Variants in THEM5 observed in about 807,000 individuals in gnomAD.
The protein encoded by THEM5 is acyl-coenzyme A thioesterase THEM5.
A neutral mutation model predicts 24.2 loss-of-function variants in THEM5; 28 were observed. The observed-to-expected ratio is 1.16, with a 90% confidence interval of 0.86 to 1.59. The LOEUF is 1.59. Ranked by LOEUF, THEM5 falls within the 40% of genes most tolerant of loss-of-function variation. The probability of loss-of-function intolerance (pLI) is 0.00; values close to 1 mark genes in which losing one functional copy is unlikely to be tolerated. For synonymous variants in THEM5, 87 were observed against 114.5 expected (o/e 0.76, Z 1.53); for missense variants, 260 against 296.8 (o/e 0.88, Z 0.91).
At position 151,850,285 on chromosome 1, in the gene THEM5, A is replaced by T. The variant is rs1373610652; in HGVS notation, c.464+768T>A. 2.0e-5 allele frequency: 3 copies of T among 152,386 alleles called. No individual in the cohort carries two copies. In the East Asian group the frequency reaches 5.8e-4, roughly 29 times the overall value. The allele number at this position is 152,386 out of a possible 1,614,324, so 9.4% of individuals were successfully genotyped here. ...GTGACTGTCTGGAGCAGGCATCCGGATGGAAGAGAAGGGGGACAACCATGA... is the reference window on the plus strand; with the variant it reads ...GTGACTGTCTGGAGCAGGCATCCGGTTGGAAGAGAAGGGGGACAACCATGA... On this transcript the variant is annotated intron_variant, in intron 3 of 5. Transcript: ENST00000368817.
chr1:151,847,527 G>A (rs1184280914), intron 5 of THEM5, 113 bp from the exon 6 acceptor site: 21 of 1,456,628 alleles, frequency 1.4e-5, no homozygotes, highest in South Asian at 3.5e-5. Context: ...CTGTCCTTTC[G>A]TTACAGGTTG....
chr1:151,849,916 C>G (rs1653062267), intron 3 of THEM5, among the ~76,000 whole-genome samples: 1 of 152,220 alleles, frequency 6.6e-6, no homozygotes, highest in Non-Finnish European at 1.5e-5. Flanking sequence ...TTGGATGGTC[C>G]TCCTCTGCCT....
intron 5 of THEM5, 71 bp downstream of exon 5, chr1:151,847,667 C>G: frequency 6.3e-7 from 1 of 1,574,826 alleles, no homozygotes; most frequent in Non-Finnish European, 8.7e-7. Context: ...GGCATCTTTT[C>G]TTCCTCCTGT....
chr1:151,847,440 G>C, intron 5 of THEM5, 26 bp from the exon 6 acceptor site: 1 of 1,614,062 alleles, frequency 6.2e-7, no homozygotes, highest in South Asian at 1.1e-5. Flanking sequence ...GAGTTGAGCT[G>C]CAAGAGCTGC....
At chr1:151,850,190 G>A (rs1653069264) in intron 3 of THEM5, 1 of 152,266 alleles carries the variant, frequency 6.6e-6, no homozygotes, top group African/African-American at 2.4e-5. Flanking sequence ...CAGGCTTCAG[G>A]ACCCTAAAGC....
Position 151,852,465 on chromosome 1 carries a change from C to A in THEM5, c.124-6G>T, listed in dbSNP as rs773283311. 8 of 1,614,034 alleles carry A rather than the reference C, an allele frequency of 5.0e-6. 1 individual carries two copies. The South Asian group carries it at 8.8e-5, about 18-fold the overall frequency. ...TCTGGCAAGAATCTTGAGAACTGGG[C>A]AGGAAAAATCAGAATGACTAGACAG... On this transcript the variant is annotated splice_region_variant and splice_polypyrimidine_tract_variant and intron_variant, in intron 1 of 5. Coordinates refer to ENST00000368817, the MANE Select transcript of THEM5 (RefSeq NM_182578.4).
At chr1:151,847,460 G>A in intron 5 of THEM5, 46 bp from the exon 6 acceptor site, 1 of 1,611,660 alleles carries the variant, frequency 6.2e-7, no homozygotes, top group Non-Finnish European at 8.5e-7. Flanking sequence ...CACTGAGATG[G>A]CTGGAGCTTG....
chr1:151,848,780 T>G (rs546712373), intron 3 of THEM5, among the ~76,000 whole-genome samples: 1 of 152,292 alleles, frequency 6.6e-6, no homozygotes, highest in East Asian at 1.9e-4. Flanking sequence ...TAAGTAAATG[T>G]GAAACATAAC....
chr1:151,849,930 T>C (rs1653062750), intron 3 of THEM5, among the ~76,000 whole-genome samples: 1 of 152,240 alleles, frequency 6.6e-6, no homozygotes, highest in South Asian at 2.1e-4. Context: ...TCTGCCTCTT[T>C]GGCCTCACTT....
At chr1:151,850,469 C>T (rs1653075202) in intron 3 of THEM5, 1 of 152,714 alleles carries the variant, frequency 6.5e-6, no homozygotes, top group Non-Finnish European at 1.5e-5. Flanking sequence ...CTGGATCTGA[C>T]TTTGATTGCT....
chr1:151,848,072 G>C, intron 4 of THEM5, 110 bp downstream of exon 4: 5 of 1,415,200 alleles, frequency 3.5e-6, no homozygotes, highest in Non-Finnish European at 4.9e-6. Flanking sequence ...GAGTGGGCTG[G>C]GGAAGGAGAG....
Position 151,848,068 on chromosome 1 carries a change from G to A in THEM5, c.575+114C>T, listed in dbSNP as rs1421930534. 37 of 1,415,244 alleles carry A rather than the reference G, an allele frequency of 2.6e-5. No individual in the cohort carries two copies. In the East Asian group the frequency reaches 8.0e-4, roughly 31 times the overall value. 87.7% of individuals were successfully genotyped at this position (1,415,244 alleles called of 1,614,324 possible). A position where few individuals can be genotyped will look rare whatever the true frequency, so the allele number is the denominator to read the frequency against. ...GACTAGAGGAATTGCTTGGGAGTGG[G>A]CTGGGGAAGGAGAGTGGCAGGCAGG... On this transcript the variant is annotated intron_variant, in intron 4 of 5. Coordinates refer to ENST00000368817, the MANE Select transcript of THEM5 (RefSeq NM_182578.4).
chr1:151,853,646 C>A lies in THEM5; in HGVS notation c.-81G>T. The A allele has an allele frequency of 6.8e-7, 1 of 1,470,384 alleles. No individual in the cohort carries two copies. Among genetic ancestry groups the A allele is most frequent in the South Asian group, 1.4e-5 (1 of 70,088 alleles). The allele number at this position is 1,470,384 out of a possible 1,614,324, so 91.1% of individuals were successfully genotyped here. On this transcript the variant is annotated 5_prime_UTR_variant, in exon 1 of 6. Transcript: ENST00000368817. Reference sequence around the variant, plus strand: ...GGAGTGCTTTCAGCTGCACTTGGGGCCGCTTCTCTCCCTTCTGTTGCAGGC... The same window carrying A: ...GGAGTGCTTTCAGCTGCACTTGGGGACGCTTCTCTCCCTTCTGTTGCAGGC...
rs749015504 is a variant in THEM5, at chr1:151,851,108, G to T, written c.409C>A (p.Gln137Lys). The T allele has an allele frequency of 6.2e-7, 1 of 1,614,190 alleles. No homozygotes were observed. The highest frequency in any genetic ancestry group is 2.2e-5 in the East Asian group (1 of 44,882). ...FEYVIFFQPT[Q>K]KKSVCLFQPG... The stretch of plus-strand genomic sequence containing the variant: ...TGGAAAAGACAGACCGACTTCTTCT[G>T]GGTTGGCTGGAAAAAGATGACATAC... Residue 137 changes from glutamine to lysine, a missense_variant, in exon 3 of 6, where the codon CAG (glutamine) becomes AAG (lysine). By Grantham distance (53) the Gln-to-Lys change is moderately conservative. Coordinates refer to ENST00000368817, the MANE Select transcript of THEM5 (RefSeq NM_182578.4).
At chr1:151,852,934 G>T (rs1362707042) in intron 1 of THEM5, among the ~76,000 whole-genome samples, 1 of 152,174 alleles carries the variant, frequency 6.6e-6, no homozygotes, top group African/African-American at 2.4e-5. Context: ...CCACCTCAGG[G>T]GCTACTCCAG....
intron 1 of THEM5, 63 bp downstream of exon 1, chr1:151,853,380 G>A (rs561337751): frequency 3.2e-6 from 5 of 1,555,290 alleles, no homozygotes; most frequent in Non-Finnish European, 4.4e-6. Flanking sequence ...GGAGATTTGG[G>A]GTGCTCCTTA....
At chr1:151,849,929 T>G (rs1572061562) in intron 3 of THEM5, among the ~76,000 whole-genome samples, 2 of 152,236 alleles carry the variant, frequency 1.3e-5, no homozygotes, top group Non-Finnish European at 2.9e-5. Flanking sequence ...CTCTGCCTCT[T>G]TGGCCTCACT....
chr1:151,851,084 G>C lies in THEM5; in HGVS notation c.433C>G (p.Gln145Glu), dbSNP rs199737525. Reference protein sequence around the residue: ...PTQKKSVCLFQPGSYLEGPPG... With the variant: ...PTQKKSVCLFEPGSYLEGPPG... ...GGCCCCTCCAGGTAGGAGCCTGGTT[G>C]GAAAAGACAGACCGACTTCTTCTGG... is the stretch of plus-strand genomic sequence containing the variant. The change falls in exon 3 of 6, where the codon CAA becomes GAA. Residue 145 changes from glutamine to glutamate, a missense_variant. Coordinates refer to ENST00000368817, the MANE Select transcript of THEM5 (RefSeq NM_182578.4). The C allele has an allele frequency of 6.2e-7, 1 of 1,614,198 alleles. No individual in the cohort carries two copies. The highest frequency in any genetic ancestry group is 8.5e-7 in the Non-Finnish European group (1 of 1,180,020).
At chr1:151,850,374 T>G (rs1653073443) in intron 3 of THEM5, 1 of 152,310 alleles carries the variant, frequency 6.6e-6, no homozygotes, top group Non-Finnish European at 1.5e-5. Context: ...TGTGCATTCC[T>G]CCTGAGGTCT....
Sources: allele counts gnomAD v4.1 joint callset (sites outside exome capture counted in the v4.1 genomes callset), GRCh38; gene constraint gnomAD v4.1.1; transcripts MANE v1.5; gene names NCBI Gene and HGNC (gene_info 2026-07-23, HGNC 2026-07-21).